The following UBAC2 variants were observed in gnomAD, a reference collection of about 807,000 sequenced individuals.
UBAC2 encodes UBA domain containing 2.
UBAC2 carries 26 observed loss-of-function variants against 44.0 expected under a neutral mutation model. The ratio of observed to expected loss-of-function variants is 0.59; its 90% CI spans 0.43 to 0.82. The LOEUF is 0.82. UBAC2 is among the 40% of genes least tolerant of loss of function. The pLI, the probability that UBAC2 is intolerant of heterozygous loss-of-function variation, is 0.00. For missense variants in UBAC2, 329 were observed against 419.4 expected (o/e 0.78, Z 1.88); for synonymous variants, 155 against 154.3 (o/e 1.00, Z -0.04).
intron 4 of UBAC2, among the ~76,000 whole-genome samples, chr13:99,291,147 T>TG (rs2044084877): frequency 6.6e-6 from 1 of 152,220 alleles, no homozygotes; most frequent in Non-Finnish European, 1.5e-5. Flanking sequence ...ATCAGCAAGA[T>TG]GGGGATGATA....
intron 8 of UBAC2, among the ~76,000 whole-genome samples, chr13:99,371,823 G>T (rs865806963): frequency 6.6e-6 from 1 of 152,214 alleles, no homozygotes; most frequent in Non-Finnish European, 1.5e-5. Flanking sequence ...GACATGAAAT[G>T]TATGCCATGT....
rs114742285 is a variant in UBAC2, at chr13:99,316,454, A to G, written c.514-1568A>G. Reference sequence around the variant, plus strand: ...GAATGAATGAATGAAGACTTGAATCATAATCGGAAGAGCCAAAATGCTTAA... The same window carrying G: ...GAATGAATGAATGAAGACTTGAATCGTAATCGGAAGAGCCAAAATGCTTAA... On this transcript the variant is annotated intron_variant, in intron 5 of 8. Transcript: ENST00000403766. Among the ~76,000 whole-genome samples, 1,024 of 152,346 alleles carry G rather than the reference A, an allele frequency of 6.7e-3. 18 individuals carry two copies. The highest frequency in any genetic ancestry group is 0.024 in the African/African-American group (979 of 41,580).
At chr13:99,385,108 AT>A (rs2045603307) in intron 8 of UBAC2, 119 bp from the exon 9 acceptor site, 6 of 699,802 alleles carry the variant, frequency 8.6e-6, no homozygotes, top group African/African-American at 7.2e-5. Context: ...TGAAATGAAA[AT>A]TGGTTTTTTT....
intron 4 of UBAC2, among the ~76,000 whole-genome samples, chr13:99,297,323 G>A (rs920255811): frequency 6.6e-6 from 1 of 152,048 alleles, no homozygotes; most frequent in Non-Finnish European, 1.5e-5. Context: ...AATCTCACCT[G>A]GAAGTCACCA....
intron 1 of UBAC2, among the ~76,000 whole-genome samples, chr13:99,222,189 A>G (rs1294594120): frequency 6.6e-6 from 1 of 152,214 alleles, no homozygotes; most frequent in Non-Finnish European, 1.5e-5. Flanking sequence ...ACGGACAAAG[A>G]AGCAAACAAA....
At chr13:99,260,084 C>T (rs2043637386) in intron 4 of UBAC2, among the ~76,000 whole-genome samples, 1 of 152,196 alleles carries the variant, frequency 6.6e-6, no homozygotes, top group Non-Finnish European at 1.5e-5. Context: ...TGGCATTCCT[C>T]ACCACTGTCT....
chr13:99,317,294 A>G (rs2044506026), intron 5 of UBAC2, among the ~76,000 whole-genome samples: 1 of 152,202 alleles, frequency 6.6e-6, no homozygotes, highest in Admixed American at 6.6e-5. Context: ...CTAAAAATTA[A>G]CCAACAATAA....
At chr13:99,366,622 A>G (rs543305965) in intron 7 of UBAC2, among the ~76,000 whole-genome samples, 1 of 99,560 alleles carries the variant, frequency 1.0e-5, no homozygotes, top group Non-Finnish European at 2.9e-5. Context: ...CAGGCTTTTT[A>G]GTTTGATTTT....
At chr13:99,238,705 GTTA>G in intron 2 of UBAC2, 151 bp downstream of exon 2, 1 of 714,938 alleles carries the variant, frequency 1.4e-6, no homozygotes, top group South Asian at 5.0e-5. Flanking sequence ...AACTTTTCTA[GTTA>G]TTGATTTTTC....
At chr13:99,268,629 A>AG (rs1373742363) in intron 4 of UBAC2, among the ~76,000 whole-genome samples, 2 of 142,068 alleles carry the variant, frequency 1.4e-5, no homozygotes, top group African/African-American at 2.7e-5. Flanking sequence ...AAAAAAAAAA[A>AG]AAAAAGAAAC....
chr13:99,263,487 A>G (rs1199116439), intron 4 of UBAC2, among the ~76,000 whole-genome samples: 1 of 152,230 alleles, frequency 6.6e-6, no homozygotes, highest in Non-Finnish European at 1.5e-5. Flanking sequence ...CCTACGATGA[A>G]AAAGACGGAC....
intron 1 of UBAC2, among the ~76,000 whole-genome samples, chr13:99,216,845 T>G (rs2043001707): frequency 2.0e-5 from 3 of 151,606 alleles, no homozygotes; most frequent in African/African-American, 7.3e-5. Flanking sequence ...TTTTTTTTTT[T>G]TTGAGACGAA....
chr13:99,305,637 C>T (rs1001590367), intron 4 of UBAC2, among the ~76,000 whole-genome samples: 1 of 152,158 alleles, frequency 6.6e-6, no homozygotes, highest in Non-Finnish European at 1.5e-5. Flanking sequence ...ATTCCATTAA[C>T]TGACTGGTCA....
chr13:99,349,501 G>A (rs2045044643), intron 7 of UBAC2, among the ~76,000 whole-genome samples: 1 of 152,104 alleles, frequency 6.6e-6, no homozygotes, highest in African/African-American at 2.4e-5. Context: ...TGAACGGCTG[G>A]GTGCGCTGAT....
At chr13:99,351,756 G>A (rs968451583) in intron 7 of UBAC2, 3 of 456,576 alleles carry the variant, frequency 6.6e-6, no homozygotes, top group African/African-American at 4.0e-5. Flanking sequence ...CTGCTTGTTG[G>A]TACAAGCCAA....
Position 99,256,978 on chromosome 13 carries a change from G to T in UBAC2, c.389+12354G>T, listed in dbSNP as rs2043573065. ...TCTCTTTAAGGAAAACTATGGGGGAGATTTGCTGTCTGTGGTCAGTGGCAT... is the reference window on the plus strand; with the variant it reads ...TCTCTTTAAGGAAAACTATGGGGGATATTTGCTGTCTGTGGTCAGTGGCAT... On this transcript the variant is annotated intron_variant, in intron 4 of 8. Transcript: ENST00000403766. Among the ~76,000 whole-genome samples the T allele has an allele frequency of 2.0e-5, 3 of 152,200 alleles. No individual in the cohort carries two copies. The South Asian group carries it at 6.2e-4, about 32-fold the overall frequency.
At chr13:99,220,388 T>C (rs777343495) in intron 1 of UBAC2, among the ~76,000 whole-genome samples, 5 of 152,190 alleles carry the variant, frequency 3.3e-5, no homozygotes, top group Non-Finnish European at 7.3e-5. Flanking sequence ...GTAAAGTGCT[T>C]TTATTAGCAC....
chr13:99,219,827 A>G (rs1432577978), intron 1 of UBAC2, among the ~76,000 whole-genome samples: 1 of 152,244 alleles, frequency 6.6e-6, no homozygotes, highest in Non-Finnish European at 1.5e-5. Context: ...ACATAACTTT[A>G]TATGACTGGC....
intron 2 of UBAC2, among the ~76,000 whole-genome samples, chr13:99,241,890 C>T (rs1389002550): frequency 1.3e-5 from 2 of 148,784 alleles, no homozygotes; most frequent in African/African-American, 2.5e-5. Context: ...TGCGGCCTTC[C>T]GCAGTGTTTG....
Sources: allele counts gnomAD v4.1 joint callset (sites outside exome capture counted in the v4.1 genomes callset), GRCh38; gene constraint gnomAD v4.1.1; transcripts MANE v1.5; gene names NCBI Gene and HGNC (gene_info 2026-07-23, HGNC 2026-07-21).